The following PRRX1 variants were observed in gnomAD, a reference collection of about 807,000 sequenced individuals.
PRRX1 encodes paired mesoderm homeobox protein 1.
Under a neutral mutation model 24.0 loss-of-function variants are expected in PRRX1, and 8 were observed. That is an observed-to-expected ratio of 0.33 (90% CI 0.20 to 0.60). The LOEUF is 0.60. Among genes scored for constraint, PRRX1 ranks in the 20% least tolerant of loss-of-function variants. The probability of loss-of-function intolerance (pLI) is 0.82; values close to 1 mark genes in which losing one functional copy is unlikely to be tolerated. For synonymous variants in PRRX1, 160 were observed against 131.7 expected, an observed-to-expected ratio of 1.22 and a Z score of -1.47; for missense variants, 281 against 322.4, an observed-to-expected ratio of 0.87 and a Z score of 0.98.
intron 3 of PRRX1, chr1:170,730,113 G>T (rs1655381874): frequency 1.3e-6 from 1 of 740,964 alleles, no homozygotes; most frequent in South Asian, 1.5e-5. Context: ...GGGAGGGCTG[G>T]GCTTAAAAGA....
intron 1 of PRRX1, among the ~76,000 whole-genome samples, chr1:170,691,502 T>C (rs1308408464): frequency 1.4e-5 from 2 of 144,858 alleles, no homozygotes; most frequent in Non-Finnish European, 3.1e-5. Context: ...TTTCCTTTCC[T>C]TTCCTTTCCT....
chr1:170,665,706 C>T (rs959597282), intron 1 of PRRX1, among the ~76,000 whole-genome samples: 5 of 152,232 alleles, frequency 3.3e-5, no homozygotes, highest in Admixed American at 3.3e-4. Context: ...ACAGTGGTGG[C>T]CCCGCGGGCC....
intron 1 of PRRX1, among the ~76,000 whole-genome samples, chr1:170,671,369 T>A (rs1038869450): frequency 6.6e-6 from 1 of 152,228 alleles, no homozygotes; most frequent in African/African-American, 2.4e-5. Context: ...GTATTTTTGG[T>A]TATAGTGGTG....
rs1304161651 is a variant in PRRX1 at position 170,664,440 on chromosome 1, C to T, written c.222C>T (p.Ser74=). ...AGTCGCCGGGACTCACCAGCGGCAG[C>T]GACACCCCGCAGCAGGACAGTGAGT... The part of the protein sequence containing the change: ...LLESPGLTSG[S]DTPQQDNDQL... Residue 74 remains serine (S), a synonymous_variant, in exon 1 of 4, where the codon AGC becomes AGT. Transcript: ENST00000239461. The T allele has an allele frequency of 3.7e-6, 6 of 1,604,736 alleles. No homozygotes were observed. The highest frequency in any genetic ancestry group is 1.7e-5 in the Admixed American group (1 of 58,550).
chr1:170,691,644 C>A (rs975975189), intron 1 of PRRX1, among the ~76,000 whole-genome samples: 3 of 150,172 alleles, frequency 2.0e-5, no homozygotes, highest in African/African-American at 7.4e-5. Context: ...CAATTGCTTT[C>A]TTTAATTTCA....
chr1:170,738,450 G>A lies in PRRX1; in HGVS notation c.*2264G>A, dbSNP rs1655693626. On this transcript the variant is annotated 3_prime_UTR_variant, in exon 4 of 4. Coordinates refer to ENST00000239461, the MANE Select transcript of PRRX1 (RefSeq NM_022716.4). The stretch of plus-strand genomic sequence containing the variant: ...ACTATTAAAACATTTCTTACTGAAT[G>A]GTTCATGTAGGCTTGCTGAACAGCA... The A allele has an allele frequency of 4.4e-6, 1 of 228,078 alleles. No individual in the cohort carries two copies. Among genetic ancestry groups the A allele is most frequent in the East Asian group, 6.3e-5 (1 of 15,894 alleles). The allele number at this position is 228,078 out of a possible 1,614,324, so 14.1% of individuals were successfully genotyped here. A position where few individuals can be genotyped will look rare whatever the true frequency, so the allele number is the denominator to read the frequency against.
At chr1:170,680,094 T>C (rs1653459246) in intron 1 of PRRX1, among the ~76,000 whole-genome samples, 1 of 152,220 alleles carries the variant, frequency 6.6e-6, no homozygotes, top group Non-Finnish European at 1.5e-5. Context: ...TTTTGACATA[T>C]GCTAAAGTTA....
chr1:170,734,056 C>T (rs922717547), intron 3 of PRRX1, among the ~76,000 whole-genome samples: 1 of 152,132 alleles, frequency 6.6e-6, no homozygotes, highest in African/African-American at 2.4e-5. Context: ...CTAAACTGTA[C>T]TAATAACTTG....
chr1:170,730,318 A>G (rs1306969317), intron 3 of PRRX1: 3 of 1,612,580 alleles, frequency 1.9e-6, no homozygotes, highest in Non-Finnish European at 2.5e-6. Context: ...GAGGGGCTTC[A>G]TAACGGATTC....
intron 1 of PRRX1, among the ~76,000 whole-genome samples, chr1:170,686,089 G>A (rs546421259): frequency 5.3e-5 from 8 of 149,668 alleles, no homozygotes; most frequent in Non-Finnish European, 8.8e-5. Context: ...CTGTCAATCC[G>A]GCACCTTTCA....
intron 2 of PRRX1, among the ~76,000 whole-genome samples, chr1:170,720,772 A>G (rs1479658758): frequency 1.3e-5 from 2 of 152,210 alleles, no homozygotes; most frequent in African/African-American, 2.4e-5. Context: ...AGAAGGTAAG[A>G]GCATGAAAGG....
intron 1 of PRRX1, among the ~76,000 whole-genome samples, chr1:170,679,389 GTTTTA>G (rs372171104): frequency 3.3e-5 from 5 of 152,010 alleles, no homozygotes; most frequent in East Asian, 1.9e-4. Context: ...AAGACTAACT[GTTTTA>G]TTTTATTTTA....
chr1:170,713,878 GC>G (rs766969878), intron 1 of PRRX1, among the ~76,000 whole-genome samples: 6 of 152,288 alleles, frequency 3.9e-5, no homozygotes, highest in South Asian at 2.1e-4. Flanking sequence ...AGTTCAGGTA[GC>G]TGTGCTGTGA....
At chr1:170,694,173 T>C (rs1320269721) in intron 1 of PRRX1, among the ~76,000 whole-genome samples, 1 of 152,132 alleles carries the variant, frequency 6.6e-6, no homozygotes, top group East Asian at 1.9e-4. Context: ...GTTTTTTTTA[T>C]AGTACCTGCC....
upstream of PRRX1, chr1:170,664,045 AT>A (rs11286665): frequency 0.56 from 304,099 of 547,382 alleles, 65,248 homozygotes; most frequent in African/African-American, 0.68. Context: ...CTCTTTTCCA[AT>A]TTTTTTTTTT....
intron 1 of PRRX1, among the ~76,000 whole-genome samples, chr1:170,693,345 G>C (rs1264591456): frequency 1.3e-5 from 2 of 152,066 alleles, no homozygotes; most frequent in Admixed American, 6.6e-5. Context: ...GGGTCAAAGA[G>C]AGAAACACTG....
intron 3 of PRRX1, 152 bp from the exon 4 acceptor site, chr1:170,735,896 G>A: frequency 2.9e-6 from 3 of 1,017,224 alleles, no homozygotes; most frequent in Non-Finnish European, 4.7e-6. Flanking sequence ...CGAATGGAAA[G>A]CTGGGGCTGT....
intron 1 of PRRX1, among the ~76,000 whole-genome samples, chr1:170,679,952 A>G (rs1269694010): frequency 1.3e-5 from 2 of 152,112 alleles, no homozygotes; most frequent in Non-Finnish European, 2.9e-5. Flanking sequence ...TATCTTTTTT[A>G]TGGTCTGATA....
At chr1:170,685,784 T>C (rs1305768408) in intron 1 of PRRX1, among the ~76,000 whole-genome samples, 1 of 152,134 alleles carries the variant, frequency 6.6e-6, no homozygotes, top group African/African-American at 2.4e-5. Flanking sequence ...GGTAACAAGC[T>C]GCTAGGGATT....
Sources: allele counts gnomAD v4.1 joint callset (sites outside exome capture counted in the v4.1 genomes callset), GRCh38; gene constraint gnomAD v4.1.1; transcripts MANE v1.5; gene names NCBI Gene and HGNC (gene_info 2026-07-23, HGNC 2026-07-21).